CYP2B6: variants seen among roughly 807,000 people sequenced by gnomAD.
CYP2B6 encodes the protein cytochrome P450 2B6.
In CYP2B6, 35 loss-of-function variants were observed where a neutral mutation model predicts 43.4. The observed-to-expected ratio is 0.81, with a 90% CI of 0.62 to 1.07. The LOEUF is 1.07. Among genes scored for constraint, CYP2B6 ranks in the 50% least tolerant of loss-of-function variants. The pLI is 0.00. For synonymous variants in CYP2B6, 239 were observed against 239.2 expected, an observed-to-expected ratio of 1.00 and a Z score of 0.01; for missense variants, 624 against 632.8, an observed-to-expected ratio of 0.99 and a Z score of 0.15.
chr19:41,007,002 G>T lies in CYP2B6; in HGVS notation c.582G>T (p.Glu194Asp). 6.2e-7 allele frequency: 1 copy of T among 1,614,066 alleles called. No homozygotes were observed. Among genetic ancestry groups the T allele is most frequent in the Non-Finnish European group, 8.5e-7 (1 of 1,180,020 alleles). The change falls in exon 4 of 9, where the codon GAG becomes GAT. Residue 194 changes from glutamate to aspartate, a missense_variant. By Grantham distance (45) the Glu-to-Asp change is conservative. Transcript: ENST00000324071. ...AACGATTCCACTACCAAGATCAAGA[G>T]TTCCTGAAGATGCTGAACTTGTTCT... ...FGKRFHYQDQ[E>D]FLKMLNLFYQ...
Position 41,004,460 on chromosome 19 carries a change from G to A in CYP2B6, c.484+14G>A. 3 of 1,612,906 alleles carry A rather than the reference G, an allele frequency of 1.9e-6. No homozygotes were observed. Among genetic ancestry groups the A allele is most frequent in the South Asian group, 1.1e-5 (1 of 90,798 alleles). ...GGAAATCCAAGGGTGAGTCCTGGGG[G>A]ATGAATAGGAAAGAAAGACAATGAA... On this transcript the variant is annotated intron_variant, in intron 3 of 8. Coordinates refer to ENST00000324071, the MANE Select transcript of CYP2B6 (RefSeq NM_000767.5).
rs1420783650 is a variant in CYP2B6, at chr19:41,009,396, G to A, written c.822+1G>A. 6.3e-7 allele frequency: 1 copy of A among 1,582,794 alleles called. No homozygotes were observed. On this transcript the variant is annotated splice_donor_variant, in intron 5 of 8. Transcript: ENST00000324071. LOFTEE classifies it high-confidence loss of function. ...CACCTACCTGCTCCACATGGAAAAA[G>A]TGGGGTCTGGGAGAGGAAAAAGGGA... is the stretch of plus-strand genomic sequence containing the variant.
chr19:41,002,166 C>T (rs1046887572), intron 1 of CYP2B6, among the ~76,000 whole-genome samples: 1 of 151,974 alleles, frequency 6.6e-6, no homozygotes, highest in African/African-American at 2.4e-5. Context: ...TATTGTAGGC[C>T]TTGGTGAGCA....
rs1329287486 is a variant in CYP2B6, at chr19:41,006,939, C to T, written c.519C>T (p.Ser173=). ...ALMDPTFLFQ[S]ITANIICSIV... is the part of the protein sequence containing the mutation. ...TGGACCCCACCTTCCTCTTCCAGTC[C>T]ATTACCGCCAACATCATCTGCTCCA... Residue 173 remains serine, a synonymous_variant, in exon 4 of 9, where the codon TCC becomes TCT. Transcript: ENST00000324071. 6.2e-7 allele frequency: 1 copy of T among 1,614,012 alleles called. No homozygotes were observed. The highest frequency in any genetic ancestry group is 8.5e-7 in the Non-Finnish European group (1 of 1,180,012).
At chr19:41,008,322 A>C in intron 4 of CYP2B6, among the ~76,000 whole-genome samples, 1 of 148,998 alleles carries the variant, frequency 6.7e-6, no homozygotes, top group African/African-American at 2.5e-5. Context: ...AGCAATTCTC[A>C]TGGCTCAGCC....
intron 3 of CYP2B6, among the ~76,000 whole-genome samples, chr19:41,005,475 G>A (rs190421572): frequency 1.3e-3 from 201 of 150,954 alleles, no homozygotes; most frequent in African/African-American, 4.8e-3. Context: ...AGAGACAGAT[G>A]GAGGGACCAA....
chr19:40,994,427 AC>A (rs1968969542), intron 1 of CYP2B6, among the ~76,000 whole-genome samples: 1 of 152,142 alleles, frequency 6.6e-6, no homozygotes, highest in Non-Finnish European at 1.5e-5. Context: ...TGGGAAACTT[AC>A]TTTTTTGTGG....
intron 5 of CYP2B6, 76 bp downstream of exon 5, chr19:41,009,471 G>T (rs34155858): frequency 2.2e-6 from 3 of 1,352,414 alleles, no homozygotes; most frequent in East Asian, 3.2e-5. Flanking sequence ...GGAGGGAAAA[G>T]GGGTAGGGAA....
At chr19:40,995,809 A>C (rs1296179012) in intron 1 of CYP2B6, among the ~76,000 whole-genome samples, 1 of 152,152 alleles carries the variant, frequency 6.6e-6, no homozygotes, top group Non-Finnish European at 1.5e-5. Flanking sequence ...ATTTGTTTGT[A>C]ATACTGTTGC....
At chr19:41,011,265 G>A (rs543987247) in intron 6 of CYP2B6, among the ~76,000 whole-genome samples, 1 of 152,150 alleles carries the variant, frequency 6.6e-6, no homozygotes, top group East Asian at 1.9e-4. Context: ...ATTCACCTCT[G>A]ATCTACTTAT....
chr19:41,002,060 T>C lies in CYP2B6; in HGVS notation c.172-1941T>C, dbSNP rs138673607. Among the ~76,000 whole-genome samples the C allele has an allele frequency of 9.9e-5, 15 of 151,302 alleles. No individual in the cohort carries two copies. The East Asian group carries it at 2.9e-3, about 29-fold the overall frequency. Reference sequence around the variant, plus strand: ...TCAGAGAACAACATGGAGGAATGAGTGGGAGGAGAAGTCAGAGCGGTAATA... The same window carrying C: ...TCAGAGAACAACATGGAGGAATGAGCGGGAGGAGAAGTCAGAGCGGTAATA... On this transcript the variant is annotated intron_variant, in intron 1 of 8. Transcript: ENST00000324071.
intron 6 of CYP2B6, among the ~76,000 whole-genome samples, chr19:41,011,424 A>G (rs1969282278): frequency 6.6e-6 from 1 of 152,192 alleles, no homozygotes; most frequent in South Asian, 2.1e-4. Flanking sequence ...TTCATTAGTG[A>G]TTAATTAATC....
intron 3 of CYP2B6, among the ~76,000 whole-genome samples, chr19:41,004,842 G>A (rs140013004): frequency 1.4e-3 from 209 of 151,940 alleles, no homozygotes; most frequent in African/African-American, 4.9e-3. Flanking sequence ...TAGAAAAGAA[G>A]TGAGCCACGC....
chr19:41,009,154 C>A, intron 4 of CYP2B6, 65 bp from the exon 5 acceptor site: 2 of 1,286,940 alleles, frequency 1.6e-6, no homozygotes, highest in East Asian at 2.4e-5. Context: ...GCCCAGGAGG[C>A]GCTCTCTCCC....
intron 8 of CYP2B6, among the ~76,000 whole-genome samples, chr19:41,015,920 G>A (rs1398140242): frequency 1.3e-5 from 2 of 151,918 alleles, no homozygotes; most frequent in Non-Finnish European, 2.9e-5. Context: ...CTTTGAGGGA[G>A]GTGCCATTCT....
rs139044778 is a variant in CYP2B6 at position 41,001,438 on chromosome 19, C to T, written c.172-2563C>T. Among the ~76,000 whole-genome samples the T allele has an allele frequency of 4.1e-3, 627 of 152,112 alleles. 8 individuals are homozygous for T. Among genetic ancestry groups the T allele is most frequent in the African/African-American group, 0.014 (599 of 41,462 alleles). On this transcript the variant is annotated intron_variant, in intron 1 of 8. Coordinates refer to ENST00000324071, the MANE Select transcript of CYP2B6 (RefSeq NM_000767.5). ...TGTGCATCAGGGCTGAGGAAGGTGGCGCTGTTGCTTCTCCATTTCCCAATA... is the reference window on the plus strand; with the variant it reads ...TGTGCATCAGGGCTGAGGAAGGTGGTGCTGTTGCTTCTCCATTTCCCAATA...
chr19:41,005,387 A>T (rs558758954), intron 3 of CYP2B6, among the ~76,000 whole-genome samples: 1 of 152,200 alleles, frequency 6.6e-6, no homozygotes, highest in South Asian at 2.1e-4. Context: ...GGAGGTAGAG[A>T]CCCAGGAGCT....
intron 1 of CYP2B6, among the ~76,000 whole-genome samples, chr19:40,997,935 C>G (rs1568557989): frequency 6.6e-6 from 1 of 151,878 alleles, no homozygotes; most frequent in East Asian, 1.9e-4. Context: ...CCTGGCTCTA[C>G]AAAAAAGTTT....
At chr19:41,009,857 G>A (rs962346743) in intron 5 of CYP2B6, 137 bp from the exon 6 acceptor site, 15 of 914,170 alleles carry the variant, frequency 1.6e-5, no homozygotes, top group Non-Finnish European at 2.4e-5. Context: ...GATGTGTAGA[G>A]GACAGAGAAA....
Sources: allele counts gnomAD v4.1 joint callset (sites outside exome capture counted in the v4.1 genomes callset), GRCh38; gene constraint gnomAD v4.1.1; transcripts MANE v1.5; gene names NCBI Gene and HGNC (gene_info 2026-07-23, HGNC 2026-07-21).